The following TENM3 variants were observed in gnomAD, a reference collection of about 807,000 sequenced individuals.
TENM3 encodes the protein teneurin-3.
TENM3 carries 63 observed loss-of-function variants against 255.1 expected under a neutral mutation model. The observed-to-expected ratio is 0.25, with a 90% CI of 0.20 to 0.30. The LOEUF (loss-of-function observed/expected upper bound fraction) is 0.30, where lower values mean the gene tolerates loss of function less well. TENM3 is among the 10% of genes least tolerant of loss of function. TENM3 has a pLI of 1.00. For missense variants in TENM3, 2,929 were observed against 3,461.1 expected, an observed-to-expected ratio of 0.85 and a Z score of 3.86; for synonymous variants, 1,306 against 1,322.3, an observed-to-expected ratio of 0.99 and a Z score of 0.27.
At chr4:181,970,845 A>T in the TENM3 span, among the ~76,000 whole-genome samples, 1 of 152,350 alleles carries the variant, frequency 6.6e-6, no homozygotes, top group Non-Finnish European at 1.5e-5. Flanking sequence ...AATAAATGAT[A>T]TTTTTGTGAG....
intron 16 of TENM3, among the ~76,000 whole-genome samples, chr4:182,732,023 C>T (rs537727952): frequency 1.2e-4 from 18 of 151,900 alleles, no homozygotes; most frequent in South Asian, 2.1e-4. Flanking sequence ...CCTCGTGATC[C>T]GCCCACCTTG....
chr4:182,041,183 T>C, the TENM3 span, among the ~76,000 whole-genome samples: 4 of 151,990 alleles, frequency 2.6e-5, no homozygotes, highest in African/African-American at 9.7e-5. Context: ...TCTCGTGCTG[T>C]GTGTGTGTCG....
chr4:181,548,253 C>T, the TENM3 span, among the ~76,000 whole-genome samples: 4 of 152,142 alleles, frequency 2.6e-5, no homozygotes, highest in Non-Finnish European at 4.4e-5. Flanking sequence ...GTCAGTGTGG[C>T]GATCCCTCAG....
intron 22 of TENM3, among the ~76,000 whole-genome samples, chr4:182,756,815 A>G (rs1762774457): frequency 6.6e-6 from 1 of 152,318 alleles, no homozygotes; most frequent in Non-Finnish European, 1.5e-5. Context: ...TTTCAATTGA[A>G]TTACATTAAA....
At chr4:181,717,338 C>T in the TENM3 span, among the ~76,000 whole-genome samples, 146 of 152,166 alleles carry the variant, frequency 9.6e-4, 1 homozygote, top group South Asian at 7.3e-3. Context: ...GAGATGATCA[C>T]GGGGTATAAA....
the TENM3 span, among the ~76,000 whole-genome samples, chr4:181,555,603 G>C: frequency 6.6e-6 from 1 of 152,156 alleles, no homozygotes; most frequent in Non-Finnish European, 1.5e-5. Context: ...GTTGTAACAA[G>C]TATCCTTAAT....
At position 182,673,792 on chromosome 4, in the gene TENM3, T is replaced by C. The variant is rs565394364; in HGVS notation, c.1326+573T>C. Among the ~76,000 whole-genome samples, 4 of 152,310 alleles carry C rather than the reference T, an allele frequency of 2.6e-5. No individual in the cohort carries two copies. In the South Asian group the frequency reaches 8.3e-4, roughly 32 times the overall value. The stretch of plus-strand genomic sequence containing the variant: ...ATAACCAAGTATGATCATGTCAGTG[T>C]GGTACACAAGACAATTCACATATCC... On this transcript the variant is annotated intron_variant, in intron 7 of 27. Transcript: ENST00000511685.
At chr4:181,883,126 C>CTTTTTTTTTTTTTTTTTTTTTT in the TENM3 span, among the ~76,000 whole-genome samples, 7 of 106,684 alleles carry the variant, frequency 6.6e-5, no homozygotes, top group South Asian at 2.9e-4. Flanking sequence ...TGCAATTAAT[C>CTTTTTTTTTTTTTTTTTTTTTT]TTTTTTTTTT....
At chr4:181,955,721 C>T in the TENM3 span, among the ~76,000 whole-genome samples, 3 of 152,090 alleles carry the variant, frequency 2.0e-5, no homozygotes, top group Non-Finnish European at 4.4e-5. Flanking sequence ...AGCCACTTAA[C>T]GAAGGGCTGC....
At chr4:182,341,742 T>C (rs1246163566) in intron 2 of TENM3, among the ~76,000 whole-genome samples, 1 of 152,232 alleles carries the variant, frequency 6.6e-6, no homozygotes, top group Non-Finnish European at 1.5e-5. Context: ...CTAAATAATA[T>C]TTCTGATTTT....
chr4:181,742,546 G>A, the TENM3 span, among the ~76,000 whole-genome samples: 2 of 152,038 alleles, frequency 1.3e-5, no homozygotes, highest in Non-Finnish European at 1.5e-5. Context: ...GGAAAAAACG[G>A]ACTATGGACA....
At chr4:182,696,194 G>A (rs1039457209) in intron 12 of TENM3, among the ~76,000 whole-genome samples, 4 of 152,000 alleles carry the variant, frequency 2.6e-5, no homozygotes, top group East Asian at 1.9e-4. Flanking sequence ...TGACAGTAAC[G>A]GCACAAATTT....
At chr4:182,423,972 C>T (rs1771023186) in intron 3 of TENM3, among the ~76,000 whole-genome samples, 1 of 152,102 alleles carries the variant, frequency 6.6e-6, no homozygotes, top group African/African-American at 2.4e-5. Context: ...TGTTCTGTAA[C>T]TCAAGGGAAA....
At chr4:181,830,430 CA>C in the TENM3 span, among the ~76,000 whole-genome samples, 1 of 151,962 alleles carries the variant, frequency 6.6e-6, no homozygotes, top group East Asian at 1.9e-4. Context: ...CCATCATGCC[CA>C]GCTAATTTTT....
intron 3 of TENM3, among the ~76,000 whole-genome samples, chr4:182,600,650 A>T (rs1345810551): frequency 3.9e-5 from 6 of 152,146 alleles, no homozygotes; most frequent in African/African-American, 1.2e-4. Context: ...ACCAGATGAA[A>T]AAAAAATCTG....
At chr4:181,456,104 TG>T in the TENM3 span, among the ~76,000 whole-genome samples, 1 of 117,772 alleles carries the variant, frequency 8.5e-6, no homozygotes, top group African/African-American at 3.5e-5. Context: ...TATGTGTGTG[TG>T]TGTGTGTGTA....
the TENM3 span, among the ~76,000 whole-genome samples, chr4:181,699,322 T>C: frequency 6.6e-6 from 1 of 151,316 alleles, no homozygotes; most frequent in Non-Finnish European, 1.5e-5. Flanking sequence ...CCCTAGCTAC[T>C]TGGGCAGCTG....
the TENM3 span, among the ~76,000 whole-genome samples, chr4:181,859,598 TA>T: frequency 7.2e-5 from 11 of 152,308 alleles, no homozygotes; most frequent in African/African-American, 2.4e-4. Flanking sequence ...GAAAGTGAAA[TA>T]GTGATTTCCT....
At chr4:182,241,067 C>G (rs1227033766), upstream of TENM3, among the ~76,000 whole-genome samples, 1 of 152,122 alleles carries the variant, frequency 6.6e-6, no homozygotes, top group African/African-American at 2.4e-5. Context: ...GATTTTTTTC[C>G]ACATGGTCCC....
Sources: gnomAD v4.1 joint callset for allele counts (sites outside exome capture counted in the v4.1 genomes callset) on GRCh38, gnomAD v4.1.1 for gene constraint, MANE v1.5 for transcripts, NCBI Gene and HGNC (gene_info 2026-07-23, HGNC 2026-07-21) for gene names.